ATP8A2: variants seen among roughly 807,000 people sequenced by gnomAD.
ATP8A2 encodes phospholipid-transporting ATPase IB.
ATP8A2 carries 100 observed loss-of-function variants against 165.6 expected under a neutral mutation model. The ratio of observed to expected loss-of-function variants is 0.60; its 90% confidence interval spans 0.51 to 0.71. ATP8A2 has a LOEUF of 0.71. Among genes scored for constraint, ATP8A2 ranks in the 30% least tolerant of loss-of-function variants. The pLI is 0.00. For missense variants in ATP8A2, 1,227 were observed against 1,479.5 expected (o/e 0.83, Z 2.80); for synonymous variants, 543 against 548.8 (o/e 0.99, Z 0.15).
At chr13:25,419,069 G>A (rs778969952) in intron 1 of ATP8A2, among the ~76,000 whole-genome samples, 30 of 152,322 alleles carry the variant, frequency 2.0e-4, no homozygotes, top group Non-Finnish European at 3.8e-4. Context: ...ATATGTGTGT[G>A]TGTCTGCGTG....
At chr13:25,851,543 A>T (rs1306393533) in intron 30 of ATP8A2, among the ~76,000 whole-genome samples, 1 of 151,416 alleles carries the variant, frequency 6.6e-6, no homozygotes, top group Non-Finnish European at 1.5e-5. Flanking sequence ...AGATCGCGCC[A>T]CTGCACTCCA....
At chr13:25,636,393 A>G (rs1474712909) in intron 24 of ATP8A2, among the ~76,000 whole-genome samples, 1 of 152,192 alleles carries the variant, frequency 6.6e-6, no homozygotes, top group Non-Finnish European at 1.5e-5. Flanking sequence ...TTTTATATGC[A>G]TGGGGTATCC....
chr13:25,769,945 A>C (rs1313870267), intron 26 of ATP8A2, among the ~76,000 whole-genome samples: 1 of 152,194 alleles, frequency 6.6e-6, no homozygotes, highest in African/African-American at 2.4e-5. Context: ...CCGTAATGAT[A>C]GCCCAAAGGT....
intron 27 of ATP8A2, among the ~76,000 whole-genome samples, chr13:25,787,180 C>G (rs1286993331): frequency 6.6e-6 from 1 of 152,234 alleles, no homozygotes; most frequent in African/African-American, 2.4e-5. Context: ...ATGACACTGG[C>G]TCCAAAAATT....
Position 25,372,134 on chromosome 13 carries a change from G to C in ATP8A2, c.-79G>C. ...AGGCGCTGGCCCACCCATGGTCCTC[G>C]GGCGGCGGCCCCTGCGCCCAGCCCT... On this transcript the variant is annotated 5_prime_UTR_variant, in exon 1 of 37. Coordinates refer to ENST00000381655, the MANE Select transcript of ATP8A2 (RefSeq NM_016529.6). This position sits in a 1 kb window ranked among gnomAD's most constrained non-coding sequence, Gnocchi z 4.8. The C allele has an allele frequency of 1.9e-6, 2 of 1,041,852 alleles. No individual in the cohort carries two copies. The highest frequency in any genetic ancestry group is 3.3e-5 in the South Asian group (1 of 30,370). The allele number at this position is 1,041,852 out of a possible 1,614,324, so 64.5% of individuals were successfully genotyped here.
At chr13:25,760,508 AG>A (rs767623138) in intron 25 of ATP8A2, among the ~76,000 whole-genome samples, 140 of 152,326 alleles carry the variant, frequency 9.2e-4, no homozygotes, top group Admixed American at 2.5e-3. Flanking sequence ...ATCCAACGTA[AG>A]AGGTGCAGTA....
chr13:26,011,560 A>G lies in ATP8A2; in HGVS notation c.3378-971A>G, dbSNP rs538364029. 7.9e-5 allele frequency among the ~76,000 whole-genome samples: 12 copies of G among 152,318 alleles called. No individual in the cohort carries two copies. The South Asian group carries it at 2.5e-3, about 32-fold the overall frequency. ...GTCACTGGCAAACTCCTGTAATGAC[A>G]AGCGAAATGAGAGCCTGATAGTAAA... is the stretch of plus-strand genomic sequence containing the variant. On this transcript the variant is annotated intron_variant, in intron 35 of 36. Coordinates refer to ENST00000381655, the MANE Select transcript of ATP8A2 (RefSeq NM_016529.6).
At chr13:25,798,462 T>C (rs2138440978) in intron 27 of ATP8A2, among the ~76,000 whole-genome samples, 1 of 152,308 alleles carries the variant, frequency 6.6e-6, no homozygotes, top group East Asian at 1.9e-4. Context: ...TTGATGTAAC[T>C]CTTGTCCAAC....
intron 28 of ATP8A2, among the ~76,000 whole-genome samples, chr13:25,831,225 T>TG (rs1951459976): frequency 6.6e-6 from 1 of 150,918 alleles, no homozygotes; most frequent in African/African-American, 2.4e-5. Context: ...TCTTTTTTTT[T>TG]TTTTTTTGAG....
At chr13:25,414,853 G>A (rs1362327243) in intron 1 of ATP8A2, among the ~76,000 whole-genome samples, 1 of 151,960 alleles carries the variant, frequency 6.6e-6, no homozygotes, top group East Asian at 1.9e-4. Context: ...CCCTTCTTTT[G>A]TGCTCACCCC....
chr13:25,432,461 T>G (rs1310328659), intron 1 of ATP8A2, among the ~76,000 whole-genome samples: 1 of 152,180 alleles, frequency 6.6e-6, no homozygotes, highest in African/African-American at 2.4e-5. Flanking sequence ...GATCTTTAGA[T>G]TTGCATAAAC....
Position 25,597,519 on chromosome 13 carries a change from C to A in ATP8A2, c.2211+7820C>A, listed in dbSNP as rs1366723865. On this transcript the variant is annotated intron_variant, in intron 24 of 36. Transcript: ENST00000381655. ...CCATGTGGCAAGAAATTGCAGACAGCCTCTAGTAGCTGAGAGTGGCCAAGC... is the reference window on the plus strand; with the variant it reads ...CCATGTGGCAAGAAATTGCAGACAGACTCTAGTAGCTGAGAGTGGCCAAGC... Among the ~76,000 whole-genome samples, 5 of 152,182 alleles carry A rather than the reference C, an allele frequency of 3.3e-5. No individual in the cohort carries two copies. The East Asian group carries it at 9.6e-4, about 29-fold the overall frequency.
chr13:25,831,912 T>A (rs1284632996), intron 28 of ATP8A2, among the ~76,000 whole-genome samples: 1 of 146,058 alleles, frequency 6.8e-6, no homozygotes, highest in African/African-American at 2.6e-5. Flanking sequence ...CAGAAGATTT[T>A]CATTATATCC....
intron 33 of ATP8A2, among the ~76,000 whole-genome samples, chr13:25,895,259 G>T (rs1303667987): frequency 2.6e-5 from 4 of 152,046 alleles, no homozygotes; most frequent in Non-Finnish European, 5.9e-5. Flanking sequence ...GTTGAATTTT[G>T]TCAAAGGCCT....
intron 2 of ATP8A2, among the ~76,000 whole-genome samples, chr13:25,512,974 T>C (rs1175051123): frequency 9.1e-6 from 1 of 110,122 alleles, no homozygotes; most frequent in Non-Finnish European, 1.9e-5. Flanking sequence ...CCCCCCCACC[T>C]CCCTCCCGGA....
chr13:25,682,868 A>G (rs2042522207), intron 24 of ATP8A2, among the ~76,000 whole-genome samples: 1 of 152,218 alleles, frequency 6.6e-6, no homozygotes, highest in South Asian at 2.1e-4. Context: ...AGTATAAGCC[A>G]GTTCCCTTCT....
chr13:25,710,835 T>A (rs182205725), intron 25 of ATP8A2, among the ~76,000 whole-genome samples: 1 of 127,410 alleles, frequency 7.8e-6, no homozygotes, highest in African/African-American at 2.9e-5. Flanking sequence ...GAAATCCTAA[T>A]GCCATCAAGA....
At chr13:25,890,101 G>A (rs1004877008) in intron 33 of ATP8A2, among the ~76,000 whole-genome samples, 8 of 152,084 alleles carry the variant, frequency 5.3e-5, no homozygotes, top group African/African-American at 1.9e-4. Flanking sequence ...GGTGGAGGTT[G>A]CAGTGAGCCG....
intron 2 of ATP8A2, among the ~76,000 whole-genome samples, chr13:25,526,705 C>A (rs1566221831): frequency 6.6e-6 from 1 of 152,188 alleles, no homozygotes; most frequent in African/African-American, 2.4e-5. Context: ...TAAGCAGACA[C>A]TGCAATTTGG....
Sources: gnomAD v4.1 joint callset for allele counts (sites outside exome capture counted in the v4.1 genomes callset) on GRCh38, gnomAD v4.1.1 for gene constraint, Gnocchi (gnomAD v3.1) non-coding constraint, MANE v1.5 for transcripts, NCBI Gene and HGNC (gene_info 2026-07-23, HGNC 2026-07-21) for gene names.